HGSNAT: variants seen among roughly 807,000 people sequenced by gnomAD.
The protein encoded by HGSNAT is transmembrane protein 76.
In HGSNAT, 59 loss-of-function variants were observed where a neutral mutation model predicts 85.2. The ratio of observed to expected loss-of-function variants is 0.69; its 90% CI spans 0.56 to 0.86. HGSNAT has a LOEUF of 0.86. Ranked by LOEUF, HGSNAT falls within the 40% of genes least tolerant of loss-of-function variation. The probability of loss-of-function intolerance (pLI) is 0.00; values close to 1 mark genes in which losing one functional copy is unlikely to be tolerated. For synonymous variants in HGSNAT, 321 were observed against 304.5 expected (o/e 1.05, Z -0.56); for missense variants, 756 against 777.1 (o/e 0.97, Z 0.32).
intron 14 of HGSNAT, chr8:43,194,234 C>A: frequency 1.9e-6 from 1 of 537,634 alleles, no homozygotes; most frequent in Non-Finnish European, 2.4e-6. Flanking sequence ...CCTGTCTCTA[C>A]AAGAAATTAA....
intron 2 of HGSNAT, among the ~76,000 whole-genome samples, chr8:43,157,238 T>A (rs1003939019): frequency 6.6e-6 from 1 of 152,268 alleles, no homozygotes; most frequent in South Asian, 2.1e-4. Context: ...ATAACAAAAT[T>A]ATTGAATTAT....
chr8:43,193,890 T>C (rs373734398), intron 14 of HGSNAT, 47 bp downstream of exon 14: 9 of 1,603,364 alleles, frequency 5.6e-6, no homozygotes, highest in Non-Finnish European at 7.7e-6. Flanking sequence ...ATTTATGATA[T>C]TTTATTCACT....
At chr8:43,141,413 C>G (rs1163867470) in intron 1 of HGSNAT, among the ~76,000 whole-genome samples, 2 of 152,164 alleles carry the variant, frequency 1.3e-5, no homozygotes, top group African/African-American at 2.4e-5. Context: ...CGTGATTGCA[C>G]AACTGGCTTG....
intron 5 of HGSNAT, among the ~76,000 whole-genome samples, chr8:43,167,545 A>G (rs1803470790): frequency 1.3e-5 from 2 of 152,218 alleles, no homozygotes; most frequent in South Asian, 2.1e-4. Context: ...TTTTGTGCAT[A>G]ATGGTATTGC....
intron 11 of HGSNAT, among the ~76,000 whole-genome samples, chr8:43,190,101 T>A (rs1273240543): frequency 1.3e-5 from 2 of 152,166 alleles, no homozygotes; most frequent in East Asian, 3.8e-4. Context: ...AGAGTGATGG[T>A]ATTGTGCTTG....
chr8:43,141,862 ACT>A (rs932580210), intron 1 of HGSNAT, among the ~76,000 whole-genome samples: 8 of 151,910 alleles, frequency 5.3e-5, no homozygotes, highest in Admixed American at 2.0e-4. Context: ...CCCGCCGAAC[ACT>A]CTTTGCATTT....
rs995595613 is a variant in HGSNAT at position 43,200,638 on chromosome 8, T to G, written c.*1069T>G. ...GTCATCACACAGCTGAAGACATTGT[T>G]TCTTAGGTGTGAAATCGGGGACAAA... is the stretch of plus-strand genomic sequence containing the variant. On this transcript the variant is annotated 3_prime_UTR_variant, in exon 18 of 18. Coordinates refer to ENST00000379644, the MANE Select transcript of HGSNAT (RefSeq NM_152419.3). 41 of 152,446 alleles carry G rather than the reference T, an allele frequency of 2.7e-4. No individual in the cohort carries two copies. Among genetic ancestry groups the G allele is most frequent in the African/African-American group, 9.4e-4 (39 of 41,454 alleles). The allele number at this position is 152,446 out of a possible 1,614,324, so 9.4% of individuals were successfully genotyped here.
intron 9 of HGSNAT, among the ~76,000 whole-genome samples, chr8:43,176,638 G>T (rs544444370): frequency 1.3e-5 from 2 of 152,234 alleles, no homozygotes; most frequent in East Asian, 1.9e-4. Flanking sequence ...GCTTTAGGTA[G>T]TGTGAACATT....
At position 43,172,319 on chromosome 8, in the gene HGSNAT, T is replaced by C. The variant is rs1200028167; in HGVS notation, c.753T>C (p.Leu251=). 6.2e-7 allele frequency: 1 copy of C among 1,611,242 alleles called. No individual in the cohort carries two copies. Among genetic ancestry groups the C allele is most frequent in the East Asian group, 2.2e-5 (1 of 44,874 alleles). ...TGTTGGCTTCTTCTAGGATTGCTCT[T>C]ATACTCATGGTCTTTGTCAATTATG... ...RSVDTFRGIA[L]ILMVFVNYGG... The change falls in exon 8 of 18, where the codon CTT becomes CTC. Residue 251 remains leucine (L), a synonymous_variant. Transcript: ENST00000379644.
Position 43,178,142 on chromosome 8 carries a change from AATTCAG to A in HGSNAT, c.924_929del (p.Phe308_Arg309del). 1.2e-6 allele frequency: 2 copies of A among 1,607,262 alleles called. No individual in the cohort carries two copies. Among genetic ancestry groups the A allele is most frequent in the Middle Eastern group, 3.3e-4 (2 of 6,030 alleles). ...TCTATACTGCAACGGGGGTGTTCAA[AATTCAG>A]ATTGCTGGGGAAGATTGCATGGAGG... On this transcript the variant is annotated inframe_deletion, in exon 10 of 18. Coordinates refer to ENST00000379644, the MANE Select transcript of HGSNAT (RefSeq NM_152419.3).
chr8:43,182,535 C>T (rs1213752363), intron 11 of HGSNAT: 2 of 443,932 alleles, frequency 4.5e-6, no homozygotes, highest in East Asian at 4.8e-5. Context: ...CCTCAACATC[C>T]CAGGCTTAAG....
At chr8:43,188,640 T>C (rs552702698) in intron 11 of HGSNAT, among the ~76,000 whole-genome samples, 23 of 152,222 alleles carry the variant, frequency 1.5e-4, no homozygotes, top group Non-Finnish European at 1.5e-4. Context: ...TGAAGCCTTC[T>C]TCTCTCAACT....
At position 43,140,604 on chromosome 8, in the gene HGSNAT, G is replaced by A. The variant is rs886062952; in HGVS notation, c.108G>A (p.Ala36=). Residue 36 remains alanine, a synonymous_variant, in exon 1 of 18, where the codon GCG becomes GCA. Transcript: ENST00000379644. ...CTTCGGGGCGCGATGCCCAGGCCGC[G>A]CCGCCACGAGGTGAGTGCACACCTC... ...GGSSGRDAQA[A]PPRDLDKKRH... The A allele has an allele frequency of 6.9e-4, 849 of 1,235,348 alleles. 1 individual carries two copies. The highest frequency in any genetic ancestry group is 8.4e-4 in the Non-Finnish European group (823 of 980,628). 76.5% of individuals were successfully genotyped at this position (1,235,348 alleles called of 1,614,324 possible).
rs1334969734 is a variant in HGSNAT at position 43,199,850 on chromosome 8, TTTAAC to T, written c.*284_*288del. ...GGAACTTCATTCCGAGGAGATAAGC[TTTAAC>T]TTTCCAAAAGGGAATTGCCATGGGT... On this transcript the variant is annotated 3_prime_UTR_variant, in exon 18 of 18. Transcript: ENST00000379644. The T allele has an allele frequency of 4.1e-6, 1 of 243,358 alleles. No individual in the cohort carries two copies. The highest frequency in any genetic ancestry group is 7.8e-6 in the Non-Finnish European group (1 of 127,746). 15.1% of individuals were successfully genotyped at this position (243,358 alleles called of 1,614,324 possible).
At chr8:43,140,953 A>G (rs941441083) in intron 1 of HGSNAT, among the ~76,000 whole-genome samples, 5 of 152,076 alleles carry the variant, frequency 3.3e-5, no homozygotes, top group African/African-American at 4.8e-5. Context: ...GGACCCCACA[A>G]ACTGGCAGCC....
chr8:43,173,605 C>T (rs926387885), intron 8 of HGSNAT, 108 bp from the exon 9 acceptor site: 1 of 1,228,794 alleles, frequency 8.1e-7, no homozygotes, highest in African/African-American at 1.5e-5. Context: ...GTCACTGCGC[C>T]TCCCCTGGGT....
chr8:43,142,918 A>T (rs1050459185), intron 1 of HGSNAT, among the ~76,000 whole-genome samples: 1 of 152,256 alleles, frequency 6.6e-6, no homozygotes, highest in African/African-American at 2.4e-5. Context: ...CACAGTACTT[A>T]TTCCATCTAC....
chr8:43,161,142 A>T (rs570048543), intron 4 of HGSNAT, among the ~76,000 whole-genome samples: 1 of 152,238 alleles, frequency 6.6e-6, no homozygotes, highest in Admixed American at 6.5e-5. Flanking sequence ...AAAGCAGGAC[A>T]TGGGGGTGGG....
At chr8:43,173,304 TTTTC>T (rs1425810110) in intron 8 of HGSNAT, among the ~76,000 whole-genome samples, 1 of 151,868 alleles carries the variant, frequency 6.6e-6, no homozygotes, top group Non-Finnish European at 1.5e-5. Flanking sequence ...TGAGTTTTCT[TTTTC>T]TTTTTCTTTT....
Sources: gnomAD v4.1 joint callset for allele counts (sites outside exome capture counted in the v4.1 genomes callset) on GRCh38, gnomAD v4.1.1 for gene constraint, MANE v1.5 for transcripts, NCBI Gene and HGNC (gene_info 2026-07-23, HGNC 2026-07-21) for gene names.